KCNJ3: variants seen among roughly 807,000 people sequenced by gnomAD.
KCNJ3 encodes the protein potassium inwardly rectifying channel subfamily J member 3.
Under a neutral mutation model 39.2 loss-of-function variants are expected in KCNJ3, and 4 were observed. That is an observed-to-expected ratio of 0.10 (90% CI 0.05 to 0.23). KCNJ3 has a LOEUF of 0.23. Ranked by LOEUF, KCNJ3 falls within the 10% of genes least tolerant of loss-of-function variation. The pLI, the probability that KCNJ3 is intolerant of heterozygous loss-of-function variation, is 1.00. For missense variants in KCNJ3, 276 were observed against 634.9 expected (o/e 0.43, Z 6.08); for synonymous variants, 230 against 237.4 (o/e 0.97, Z 0.29).
intron 2 of KCNJ3, among the ~76,000 whole-genome samples, chr2:154,750,839 A>G (rs1685829704): frequency 6.6e-6 from 1 of 151,920 alleles, no homozygotes; most frequent in Non-Finnish European, 1.5e-5. Context: ...CATTATTTAT[A>G]TTTTCTAGTC....
intron 2 of KCNJ3, among the ~76,000 whole-genome samples, chr2:154,714,537 C>G (rs1685152122): frequency 6.6e-6 from 1 of 151,970 alleles, no homozygotes; most frequent in South Asian, 2.1e-4. Context: ...TGAAACTTAC[C>G]CCCAGCTATG....
At position 154,743,617 on chromosome 2, in the gene KCNJ3, C is replaced by A. The variant is rs534058745; in HGVS notation, c.919+33798C>A. On this transcript the variant is annotated intron_variant, in intron 2 of 2. Coordinates refer to ENST00000295101, the MANE Select transcript of KCNJ3 (RefSeq NM_002239.4). ...GCTGTATTTTTTTTTGTTTTAGTGT[C>A]TATATGCTCATTCATTGCAAGTGTA... is the stretch of plus-strand genomic sequence containing the variant. Among the ~76,000 whole-genome samples the A allele has an allele frequency of 2.7e-5, 4 of 150,614 alleles. No homozygotes were observed. The East Asian group carries it at 7.8e-4, about 29-fold the overall frequency.
rs767213411 is a variant in KCNJ3 at position 154,699,226 on chromosome 2, A to G, written c.451A>G (p.Ile151Val). Residue 151 changes from isoleucine (I) to valine (V), a missense_variant, in exon 1 of 3, where the codon ATC becomes GTC. Transcript: ENST00000295101. This position sits in a 1 kb window ranked among gnomAD's most constrained non-coding sequence, Gnocchi z 6.4. Reference protein sequence around the residue: ...EATIGYGYRYITDKCPEGIIL... With the variant: ...EATIGYGYRYVTDKCPEGIIL... Reference sequence around the variant, plus strand: ...CACCATCGGCTATGGCTACCGATACATCACAGACAAGTGCCCCGAGGGCAT... The same window carrying G: ...CACCATCGGCTATGGCTACCGATACGTCACAGACAAGTGCCCCGAGGGCAT... 2 of 1,614,034 alleles carry G rather than the reference A, an allele frequency of 1.2e-6. No individual in the cohort carries two copies. Among genetic ancestry groups the G allele is most frequent in the Non-Finnish European group, 1.7e-6 (2 of 1,180,028 alleles).
intron 2 of KCNJ3, among the ~76,000 whole-genome samples, chr2:154,734,664 G>A (rs138444072): frequency 6.6e-6 from 1 of 152,260 alleles, no homozygotes; most frequent in African/African-American, 2.4e-5. Context: ...CTACTGTTCT[G>A]TCCAGTTTTG....
At chr2:154,839,533 T>C (rs1687537819) in intron 2 of KCNJ3, among the ~76,000 whole-genome samples, 1 of 152,226 alleles carries the variant, frequency 6.6e-6, no homozygotes, top group African/African-American at 2.4e-5. Context: ...ATGGTTGAAC[T>C]AATTTACACT....
intron 2 of KCNJ3, among the ~76,000 whole-genome samples, chr2:154,841,169 G>A (rs958560164): frequency 6.6e-6 from 1 of 152,000 alleles, no homozygotes; most frequent in Non-Finnish European, 1.5e-5. Flanking sequence ...GTTAAAGGAC[G>A]TTTCTGCATT....
At chr2:154,753,112 A>G (rs1284874769) in intron 2 of KCNJ3, among the ~76,000 whole-genome samples, 1 of 152,072 alleles carries the variant, frequency 6.6e-6, no homozygotes, top group African/African-American at 2.4e-5. Context: ...GTATAATGCA[A>G]TGACCATTGT....
Position 154,787,113 on chromosome 2 carries a change from T to C in KCNJ3, c.920-67614T>C, listed in dbSNP as rs1000661613. On this transcript the variant is annotated intron_variant, in intron 2 of 2. Transcript: ENST00000295101. Reference sequence around the variant, plus strand: ...AATTTAAAAGTAGTTATAAAGTATATTGAAAAGATAATTTTAAAATTGAGA... The same window carrying C: ...AATTTAAAAGTAGTTATAAAGTATACTGAAAAGATAATTTTAAAATTGAGA... 4.6e-5 allele frequency among the ~76,000 whole-genome samples: 7 copies of C among 152,152 alleles called. 1 individual carries two copies. In the South Asian group the frequency reaches 8.3e-4, roughly 18 times the overall value.
At chr2:154,854,414 T>G (rs1687805825) in intron 2 of KCNJ3, among the ~76,000 whole-genome samples, 1 of 152,182 alleles carries the variant, frequency 6.6e-6, no homozygotes, top group South Asian at 2.1e-4. Flanking sequence ...TCCACTTATC[T>G]CCTTATAGGG....
chr2:154,838,365 C>T (rs930609344), intron 2 of KCNJ3, among the ~76,000 whole-genome samples: 1 of 152,132 alleles, frequency 6.6e-6, no homozygotes, highest in African/African-American at 2.4e-5. Flanking sequence ...AATTGAGGAC[C>T]TGAGTGTGTA....
In KCNJ3 at chr2:154,698,710, C is replaced by T; in HGVS notation, c.-66C>T. Reference sequence around the variant, plus strand: ...CCCCGCCCCCACCTCCTTATTGGTGCTAGTTTGCAGCGCCCAGCTCCTGCG... The same window carrying T: ...CCCCGCCCCCACCTCCTTATTGGTGTTAGTTTGCAGCGCCCAGCTCCTGCG... On this transcript the variant is annotated 5_prime_UTR_variant, in exon 1 of 3. Coordinates refer to ENST00000295101, the MANE Select transcript of KCNJ3 (RefSeq NM_002239.4). 1 of 472,820 alleles carries T rather than the reference C, an allele frequency of 2.1e-6. No homozygotes were observed. The highest frequency in any genetic ancestry group is 5.6e-5 in the East Asian group (1 of 17,702). 29.3% of individuals were successfully genotyped at this position (472,820 alleles called of 1,614,324 possible). A position where few individuals can be genotyped will look rare whatever the true frequency, so the allele number is the denominator to read the frequency against.
intron 1 of KCNJ3, among the ~76,000 whole-genome samples, chr2:154,706,999 T>C (rs975733988): frequency 5.9e-5 from 9 of 152,122 alleles, no homozygotes; most frequent in Admixed American, 2.6e-4. Context: ...TATTAATAGT[T>C]GAAATATTTG....
intron 2 of KCNJ3, among the ~76,000 whole-genome samples, chr2:154,718,758 T>C (rs1005814228): frequency 1.3e-5 from 2 of 152,156 alleles, no homozygotes; most frequent in African/African-American, 4.8e-5. Flanking sequence ...AAAATTTAAT[T>C]AACACAGCCC....
In KCNJ3 at chr2:154,807,226, G is replaced by A. The variant is rs137979833; in HGVS notation, c.920-47501G>A. Among the ~76,000 whole-genome samples, 1,038 of 152,212 alleles carry A rather than the reference G, an allele frequency of 6.8e-3. 11 individuals are homozygous for A. Among genetic ancestry groups the A allele is most frequent in the Non-Finnish European group, 8.8e-3 (601 of 67,994 alleles). ...GAGGACTACAGGATTGATTAGTGGC[G>A]TTTCATTAAACATTTGAAGGGCTCT... is the stretch of plus-strand genomic sequence containing the variant. On this transcript the variant is annotated intron_variant, in intron 2 of 2. Coordinates refer to ENST00000295101, the MANE Select transcript of KCNJ3 (RefSeq NM_002239.4).
chr2:154,802,491 G>A (rs906386814), intron 2 of KCNJ3, among the ~76,000 whole-genome samples: 14 of 151,880 alleles, frequency 9.2e-5, no homozygotes, highest in African/African-American at 2.7e-4. Flanking sequence ...AGCGAGCCAC[G>A]GAGAAAGACT....
chr2:154,765,792 T>C (rs574697121), intron 2 of KCNJ3, among the ~76,000 whole-genome samples: 1 of 152,298 alleles, frequency 6.6e-6, no homozygotes, highest in South Asian at 2.1e-4. Flanking sequence ...CCAGTTCTAG[T>C]TAGTTCAGTT....
At chr2:154,713,714 G>A (rs549478424) in intron 2 of KCNJ3, among the ~76,000 whole-genome samples, 1 of 152,134 alleles carries the variant, frequency 6.6e-6, no homozygotes, top group Non-Finnish European at 1.5e-5. Flanking sequence ...CAAAACAGAG[G>A]TTACCTCTCA....
chr2:154,707,667 T>C (rs185695244), intron 1 of KCNJ3, among the ~76,000 whole-genome samples: 12 of 152,280 alleles, frequency 7.9e-5, no homozygotes, highest in Non-Finnish European at 1.3e-4. Context: ...CTAAAAGAAT[T>C]ATTATTGTCA....
chr2:154,728,847 C>A (rs886162853), intron 2 of KCNJ3, among the ~76,000 whole-genome samples: 1 of 151,792 alleles, frequency 6.6e-6, no homozygotes, highest in Non-Finnish European at 1.5e-5. Flanking sequence ...AGAAATTATA[C>A]CGGTCTTATT....
Sources: gnomAD v4.1 joint callset for allele counts (sites outside exome capture counted in the v4.1 genomes callset) on GRCh38, gnomAD v4.1.1 for gene constraint, Gnocchi (gnomAD v3.1) non-coding constraint, MANE v1.5 for transcripts, NCBI Gene and HGNC (gene_info 2026-07-23, HGNC 2026-07-21) for gene names.